Variants in TMCO6 observed in about 807,000 individuals in gnomAD.
The protein encoded by TMCO6 is transmembrane and coiled-coil domain-containing protein 6.
A neutral mutation model predicts 61.8 loss-of-function variants in TMCO6; 47 were observed. The observed-to-expected ratio is 0.76, with a 90% CI of 0.60 to 0.97. TMCO6 has a LOEUF of 0.97. Ranked by LOEUF, TMCO6 falls within the 50% of genes least tolerant of loss-of-function variation. The pLI is 0.00. For synonymous variants in TMCO6, 261 were observed against 254.2 expected, an observed-to-expected ratio of 1.03 and a Z score of -0.25; for missense variants, 557 against 601.6, an observed-to-expected ratio of 0.93 and a Z score of 0.78.
downstream of TMCO6, chr5:140,645,468 A>G (rs1757340970): frequency 7.4e-7 from 1 of 1,343,764 alleles, no homozygotes; most frequent in South Asian, 1.2e-5. Context: ...GAACACCCTG[A>G]GAAAGTATTT....
chr5:140,639,441 C>G, upstream of TMCO6: 1 of 1,374,996 alleles, frequency 7.3e-7, no homozygotes, highest in East Asian at 2.5e-5. Flanking sequence ...CCGCCCTGTG[C>G]TGAGGCTGCG....
At chr5:140,611,081 G>C in the TMCO6 span, among the ~76,000 whole-genome samples, 1 of 152,152 alleles carries the variant, frequency 6.6e-6, no homozygotes, top group Admixed American at 6.5e-5. Context: ...GCTCAACAAA[G>C]ACAGGTTTAT....
chr5:140,607,182 T>C, the TMCO6 span, among the ~76,000 whole-genome samples: 4 of 152,176 alleles, frequency 2.6e-5, no homozygotes, highest in Non-Finnish European at 4.4e-5. Flanking sequence ...GTACCCATTA[T>C]GCAATAACTC....
At chr5:140,600,838 C>T in the TMCO6 span, among the ~76,000 whole-genome samples, 1 of 152,058 alleles carries the variant, frequency 6.6e-6, no homozygotes, top group East Asian at 1.9e-4. Context: ...ATACAATATC[C>T]CCATACTACA....
the TMCO6 span, chr5:140,631,734 T>C: frequency 1.1e-6 from 1 of 909,174 alleles, no homozygotes; most frequent in Non-Finnish European, 1.7e-6. Flanking sequence ...CACGGACCCG[T>C]TGTTTAAGAT....
chr5:140,619,409 G>C, the TMCO6 span, among the ~76,000 whole-genome samples: 3 of 152,146 alleles, frequency 2.0e-5, no homozygotes, highest in East Asian at 1.9e-4. Flanking sequence ...GGAGGAAGGT[G>C]GGGGGAAAGT....
chr5:140,609,624 A>G, the TMCO6 span, among the ~76,000 whole-genome samples: 180 of 144,468 alleles, frequency 1.2e-3, no homozygotes, highest in African/African-American at 4.6e-3. Flanking sequence ...ATTTCTAATC[A>G]TAATGCAATA....
Position 140,642,637 on chromosome 5 carries a change from C to G in TMCO6, c.655C>G (p.Leu219Val). Reference sequence around the variant, plus strand: ...TCTCGGATATGCCTTGTCCCAGCTTCTACAGGCTGAGGAAGCTCCAGAGAA... The same window carrying G: ...TCTCGGATATGCCTTGTCCCAGCTTGTACAGGCTGAGGAAGCTCCAGAGAA... ...EALGYALSQL[L>V]QAEEAPEKII... is the part of the protein sequence containing the mutation. The change falls in exon 6 of 12, where the codon CTA (leucine) becomes GTA (valine). Residue 219 changes from leucine (L) to valine (V), a missense_variant. Leu to Val is a conservative substitution (Grantham distance 32). Transcript: ENST00000394671. The G allele has an allele frequency of 1.2e-6, 2 of 1,614,244 alleles. No individual in the cohort carries two copies. Among genetic ancestry groups the G allele is most frequent in the Non-Finnish European group, 1.7e-6 (2 of 1,180,050 alleles).
upstream of TMCO6, chr5:140,639,217 G>A (rs1756861877): frequency 3.0e-6 from 1 of 338,816 alleles, no homozygotes; most frequent in Non-Finnish European, 5.6e-6. Flanking sequence ...GACACTGCTG[G>A]CTTGGGTCAC....
chr5:140,638,436 G>A (rs1756829621), upstream of TMCO6, among the ~76,000 whole-genome samples: 1 of 151,786 alleles, frequency 6.6e-6, no homozygotes. Flanking sequence ...ATCTAACGAA[G>A]GCAAAAAGGA....
the TMCO6 span, among the ~76,000 whole-genome samples, chr5:140,626,150 T>G: frequency 6.6e-6 from 1 of 152,016 alleles, no homozygotes; most frequent in African/African-American, 2.4e-5. Flanking sequence ...GCCAAACCTG[T>G]CCCCTAAGCT....
At chr5:140,620,847 C>CA in the TMCO6 span, among the ~76,000 whole-genome samples, 1 of 151,880 alleles carries the variant, frequency 6.6e-6, no homozygotes, top group Non-Finnish European at 1.5e-5. Flanking sequence ...CTTGCCTCTA[C>CA]AAAAAAATTT....
At chr5:140,597,075 CT>C in the TMCO6 span, among the ~76,000 whole-genome samples, 1 of 152,162 alleles carries the variant, frequency 6.6e-6, no homozygotes. Context: ...CAGACATATT[CT>C]TTATTATATC....
At chr5:140,625,957 C>G in the TMCO6 span, among the ~76,000 whole-genome samples, 1 of 152,212 alleles carries the variant, frequency 6.6e-6, no homozygotes, top group Non-Finnish European at 1.5e-5. Context: ...TCCTATTTCT[C>G]TGTCTCCTTT....
At chr5:140,604,692 C>T in the TMCO6 span, among the ~76,000 whole-genome samples, 8 of 151,472 alleles carry the variant, frequency 5.3e-5, no homozygotes, top group Non-Finnish European at 7.4e-5. Context: ...CTAACAGTTT[C>T]ATAGCTTTAG....
upstream of TMCO6, chr5:140,639,322 G>A: frequency 1.7e-6 from 1 of 583,010 alleles, no homozygotes; most frequent in Non-Finnish European, 3.0e-6. Flanking sequence ...GTCTAGTGGT[G>A]CAGCGTCTCT....
the TMCO6 span, among the ~76,000 whole-genome samples, chr5:140,629,497 C>T: frequency 6.6e-6 from 1 of 152,124 alleles, no homozygotes; most frequent in African/African-American, 2.4e-5. Flanking sequence ...TATCTTCAGG[C>T]TATTATCTAA....
At chr5:140,624,720 G>T in the TMCO6 span, among the ~76,000 whole-genome samples, 1 of 151,418 alleles carries the variant, frequency 6.6e-6, no homozygotes, top group East Asian at 1.9e-4. Context: ...TAGAGACAGG[G>T]TTTTGCCATA....
intron 4 of TMCO6, 65 bp from the exon 5 acceptor site, chr5:140,642,250 C>T: frequency 6.8e-7 from 1 of 1,475,968 alleles, no homozygotes; most frequent in Non-Finnish European, 9.2e-7. Flanking sequence ...CTCCCCTCCC[C>T]ATCTCCCCAC....
Sources: gnomAD v4.1 joint callset for allele counts (sites outside exome capture counted in the v4.1 genomes callset) on GRCh38, gnomAD v4.1.1 for gene constraint, MANE v1.5 for transcripts, NCBI Gene and HGNC (gene_info 2026-07-23, HGNC 2026-07-21) for gene names.